The following TEX9 variants were observed in gnomAD, a reference collection of about 807,000 sequenced individuals.
TEX9 encodes testis expressed 9, also known as testis-expressed protein 9.
Under a neutral mutation model 59.6 loss-of-function variants are expected in TEX9, and 74 were observed. That is an observed-to-expected ratio of 1.24 (90% CI 1.03 to 1.51). TEX9 has a LOEUF of 1.51. TEX9 is among the 40% of genes most tolerant of loss of function. TEX9 has a pLI of 0.00. For synonymous variants in TEX9, 186 were observed against 152.2 expected (o/e 1.22, Z -1.64); for missense variants, 522 against 447.8 (o/e 1.17, Z -1.49).
chr15:56,338,588 A>T (rs1809599452), intron 1 of TEX9, among the ~76,000 whole-genome samples: 1 of 151,938 alleles, frequency 6.6e-6, no homozygotes, highest in Non-Finnish European at 1.5e-5. Flanking sequence ...TTTATTTTGG[A>T]GGGGATCTTT....
chr15:56,395,715 A>G (rs1456696733), intron 9 of TEX9: 2 of 152,194 alleles, frequency 1.3e-5, no homozygotes, highest in African/African-American at 4.8e-5. Flanking sequence ...CATTTCCCTA[A>G]TAACTAATGA....
upstream of TEX9, among the ~76,000 whole-genome samples, chr15:56,364,682 C>A (rs959098342): frequency 6.6e-6 from 1 of 152,104 alleles, no homozygotes; most frequent in Admixed American, 6.5e-5. Context: ...AGTTGTCTCC[C>A]CATCTGTTGA....
chr15:56,437,643 GGGT>G (rs2050750076), intron 12 of TEX9, among the ~76,000 whole-genome samples: 1 of 152,116 alleles, frequency 6.6e-6, no homozygotes, highest in Non-Finnish European at 1.5e-5. Context: ...AAGAAAGAAA[GGGT>G]ATTCAATTAG....
chr15:56,315,941 G>A (rs375818537), intron 1 of TEX9, among the ~76,000 whole-genome samples: 59 of 151,490 alleles, frequency 3.9e-4, no homozygotes, highest in Admixed American at 1.3e-3. Context: ...AGTTGATCGC[G>A]TCGGCTCCTG....
chr15:56,447,029 A>G, downstream of TEX9: 1 of 890,390 alleles, frequency 1.1e-6, no homozygotes, highest in Non-Finnish European at 1.7e-6. Flanking sequence ...TGTATTTTTA[A>G]TTTACTCAAA....
intron 1 of TEX9, among the ~76,000 whole-genome samples, chr15:56,345,631 A>G (rs1471756197): frequency 6.6e-6 from 1 of 152,168 alleles, no homozygotes. Context: ...GCCAAGTCCC[A>G]TCCCTTCAGT....
intron 1 of TEX9, among the ~76,000 whole-genome samples, chr15:56,336,545 G>A (rs1596100145): frequency 6.6e-6 from 1 of 152,268 alleles, no homozygotes; most frequent in East Asian, 1.9e-4. Context: ...AGAACTGTGA[G>A]AAATAAGTTT....
intron 1 of TEX9, among the ~76,000 whole-genome samples, chr15:56,264,391 T>C (rs556487531): frequency 6.6e-6 from 1 of 152,342 alleles, no homozygotes; most frequent in Non-Finnish European, 1.5e-5. Context: ...TCATACAGTA[T>C]CTGCTCAAAT....
chr15:56,325,480 C>T (rs1360383037), intron 1 of TEX9, among the ~76,000 whole-genome samples: 1 of 152,116 alleles, frequency 6.6e-6, no homozygotes, highest in Non-Finnish European at 1.5e-5. Flanking sequence ...CCTGTTGCTC[C>T]ATACTTAACC....
chr15:56,401,308 C>CAAAAAAAAAAAAAAAAAAAAAAAAA (rs1207055803), intron 9 of TEX9, among the ~76,000 whole-genome samples: 3 of 46,772 alleles, frequency 6.4e-5, no homozygotes, highest in African/African-American at 1.0e-4. Context: ...AAATTGAAAG[C>CAAAAAAAAAAAAAAAAAAAAAAAAA]AAAAAAAAAA....
intron 1 of TEX9, among the ~76,000 whole-genome samples, chr15:56,247,992 A>G (rs781540608): frequency 6.1e-4 from 93 of 152,182 alleles, no homozygotes; most frequent in Admixed American, 2.7e-3. Context: ...ACCTCTCCCA[A>G]TTCTTCCTTG....
the TEX9 span, among the ~76,000 whole-genome samples, chr15:56,455,483 G>A: frequency 6.6e-6 from 1 of 152,110 alleles, no homozygotes. Flanking sequence ...AATCCATGAA[G>A]CTCATCCATG....
intron 9 of TEX9, among the ~76,000 whole-genome samples, chr15:56,398,837 A>T (rs2048615588): frequency 6.6e-6 from 1 of 152,132 alleles, no homozygotes; most frequent in South Asian, 2.1e-4. Context: ...CATTTTATAG[A>T]AACGGAAACT....
At chr15:56,355,099 T>C (rs1248243987) in intron 1 of TEX9, among the ~76,000 whole-genome samples, 2 of 152,212 alleles carry the variant, frequency 1.3e-5, no homozygotes, top group Non-Finnish European at 2.9e-5. Context: ...TCATGGCCCC[T>C]TGCAGTCAGC....
At chr15:56,431,919 A>ATGAT (rs1422433569) in intron 12 of TEX9, among the ~76,000 whole-genome samples, 1 of 152,070 alleles carries the variant, frequency 6.6e-6, no homozygotes, top group African/African-American at 2.4e-5. Context: ...ATATATAAAG[A>ATGAT]TGATATGAAG....
At chr15:56,396,393 T>C (rs1030842391) in intron 9 of TEX9, 1 of 152,118 alleles carries the variant, frequency 6.6e-6, no homozygotes, top group Non-Finnish European at 1.5e-5. Context: ...TAACTATCAC[T>C]ATAATTGAGA....
chr15:56,396,244 A>G (rs749239861), intron 9 of TEX9: 3 of 152,218 alleles, frequency 2.0e-5, no homozygotes, highest in Non-Finnish European at 4.4e-5. Context: ...CCTGCTTTTT[A>G]AACATTTTGG....
intron 1 of TEX9, among the ~76,000 whole-genome samples, chr15:56,359,202 G>A (rs1189692241): frequency 6.6e-6 from 1 of 152,018 alleles, no homozygotes; most frequent in Non-Finnish European, 1.5e-5. Context: ...TTTTATTGTG[G>A]TCAAATATAC....
intron 12 of TEX9, among the ~76,000 whole-genome samples, chr15:56,432,817 T>A (rs2050633171): frequency 6.6e-6 from 1 of 152,166 alleles, no homozygotes; most frequent in African/African-American, 2.4e-5. Flanking sequence ...TTTCTCATAT[T>A]TGAAACATCT....
Sources: gnomAD v4.1 joint callset for allele counts (sites outside exome capture counted in the v4.1 genomes callset) on GRCh38, gnomAD v4.1.1 for gene constraint, MANE v1.5 for transcripts, NCBI Gene and HGNC (gene_info 2026-07-23, HGNC 2026-07-21) for gene names.